PCDHGB3: variants seen among roughly 807,000 people sequenced by gnomAD.
The protein encoded by PCDHGB3 is protocadherin gamma subfamily B, 3.
A neutral mutation model predicts 59.2 loss-of-function variants in PCDHGB3; 40 were observed. That is an observed-to-expected ratio of 0.68 (90% CI 0.52 to 0.88). PCDHGB3 has a LOEUF of 0.88. PCDHGB3 is among the 40% of genes least tolerant of loss of function. The pLI, the probability that PCDHGB3 is intolerant of heterozygous loss-of-function variation, is 0.00. For missense variants in PCDHGB3, 1,309 were observed against 1,187.9 expected (o/e 1.10, Z -1.50); for synonymous variants, 581 against 503.6 (o/e 1.15, Z -2.06).
In PCDHGB3 at chr5:141,489,652, C is replaced by A. The variant is rs767143028; in HGVS notation, c.2416-5155C>A. On this transcript the variant is annotated intron_variant, in intron 1 of 3. Transcript: ENST00000576222. The surrounding 1 kb of genome is among the most constrained non-coding windows in gnomAD (Gnocchi z 4.5). ...CTCTCCTAGCTTTGCCACCCCTGAG[C>A]GAGAGATGCGCATCTCAGAATCAGC... 34 of 1,614,024 alleles carry A rather than the reference C, an allele frequency of 2.1e-5. No homozygotes were observed. The Middle Eastern group carries it at 6.6e-4, about 31-fold the overall frequency.
At position 141,409,159 on chromosome 5, in the gene PCDHGB3, GGAAGC is replaced by G. The variant is rs1361879939; in HGVS notation, c.2415+36355_2415+36359del. On this transcript the variant is annotated intron_variant, in intron 1 of 3. Transcript: ENST00000576222. ...ATGTAGAAAGGTACACCATGGAAGTGGAAGCGAAGGACGGAGGTGGTCTCTCTACC... is the reference window on the plus strand; with the variant it reads ...ATGTAGAAAGGTACACCATGGAAGTGGAAGGACGGAGGTGGTCTCTCTACC... The G allele has an allele frequency of 3.1e-6, 5 of 1,614,014 alleles. 1 individual carries two copies. In the South Asian group the frequency reaches 5.5e-5, roughly 18 times the overall value.
At chr5:141,398,079 G>A (rs1409220171) in intron 1 of PCDHGB3, 9 of 1,596,334 alleles carry the variant, frequency 5.6e-6, no homozygotes, top group Middle Eastern at 3.8e-4. Context: ...GAGGTTATTT[G>A]TAACCTGGCG....
rs147674746 is a variant in PCDHGB3, at chr5:141,477,348, C to G, written c.2416-17459C>G. 7 of 1,614,180 alleles carry G rather than the reference C, an allele frequency of 4.3e-6. No individual in the cohort carries two copies. Among genetic ancestry groups the G allele is most frequent in the Non-Finnish European group, 5.9e-6 (7 of 1,180,030 alleles). ...CTCAAGAATTACTTCACTTTGAAAA[C>G]CAGTGCAGACCTGGATCGGGAGACT... is the stretch of plus-strand genomic sequence containing the variant. On this transcript the variant is annotated intron_variant, in intron 1 of 3. Transcript: ENST00000576222. The surrounding 1 kb of genome is among the most constrained non-coding windows in gnomAD (Gnocchi z 4.9).
intron 1 of PCDHGB3, chr5:141,378,729 T>A (rs769149282): frequency 6.6e-6 from 1 of 152,216 alleles, no homozygotes; most frequent in East Asian, 1.9e-4. Flanking sequence ...GAACTCTTTA[T>A]TGAAATATTT....
chr5:141,404,083 G>A (rs761560113), intron 1 of PCDHGB3: 7 of 1,613,736 alleles, frequency 4.3e-6, no homozygotes, highest in Admixed American at 3.3e-5. Context: ...GAGACTCCGG[G>A]AAGAATGGTC....
rs1248867280 is a variant in PCDHGB3 at position 141,511,325 on chromosome 5, C to T, written c.*152C>T. 18 of 1,466,406 alleles carry T rather than the reference C, an allele frequency of 1.2e-5. No homozygotes were observed. Among genetic ancestry groups the T allele is most frequent in the Non-Finnish European group, 1.5e-5 (17 of 1,099,872 alleles). 90.8% of individuals were successfully genotyped at this position (1,466,406 alleles called of 1,614,324 possible). A position where few individuals can be genotyped will look rare whatever the true frequency, so the allele number is the denominator to read the frequency against. On this transcript the variant is annotated 3_prime_UTR_variant, in exon 4 of 4. Coordinates refer to ENST00000576222, the MANE Select transcript of PCDHGB3 (RefSeq NM_018924.5). ...TCCCCTTGGGAAACAGAAACAAGTG[C>T]CCAGTCAGCACCTACCCCTTCCCCC...
At chr5:141,383,583 C>A (rs1282205134) in intron 1 of PCDHGB3, 11 of 1,613,640 alleles carry the variant, frequency 6.8e-6, no homozygotes, top group Non-Finnish European at 9.3e-6. Context: ...CCGCCCACAT[C>A]CAGGTGACAG....
chr5:141,375,817 G>A (rs376557886), intron 1 of PCDHGB3: 6 of 1,614,046 alleles, frequency 3.7e-6, no homozygotes, highest in Non-Finnish European at 4.2e-6. Flanking sequence ...TGGAGCTGGC[G>A]CCCCGCTCCG....
At chr5:141,421,841 AAG>A in intron 1 of PCDHGB3, 1 of 1,613,750 alleles carries the variant, frequency 6.2e-7, no homozygotes. Context: ...GACCGAGAGA[AAG>A]AGGCTGCTCA....
chr5:141,410,440 G>A, intron 1 of PCDHGB3: 1 of 1,614,036 alleles, frequency 6.2e-7, no homozygotes, highest in Non-Finnish European at 8.5e-7. Context: ...ACAGTGAGGG[G>A]ACTTTGCCTT....
chr5:141,433,437 T>C (rs1422634356), intron 1 of PCDHGB3, among the ~76,000 whole-genome samples: 2 of 152,076 alleles, frequency 1.3e-5, no homozygotes, highest in Admixed American at 1.3e-4. Flanking sequence ...AGTCTCACTA[T>C]GTTGAGCAGG....
At chr5:141,384,331 G>T (rs376216978) in intron 1 of PCDHGB3, 21 of 1,613,846 alleles carry the variant, frequency 1.3e-5, no homozygotes, top group African/African-American at 2.7e-5. Context: ...GACTGCACAG[G>T]ACCACGACAG....
intron 1 of PCDHGB3, among the ~76,000 whole-genome samples, chr5:141,455,133 CTG>C (rs2098814252): frequency 6.6e-6 from 1 of 151,392 alleles, no homozygotes; most frequent in African/African-American, 2.4e-5. Flanking sequence ...TTAAATTACA[CTG>C]TGTTAAATAA....
chr5:141,489,084 C>A lies in PCDHGB3; in HGVS notation c.2416-5723C>A. On this transcript the variant is annotated intron_variant, in intron 1 of 3. Coordinates refer to ENST00000576222, the MANE Select transcript of PCDHGB3 (RefSeq NM_018924.5). The surrounding 1 kb of genome is among the most constrained non-coding windows in gnomAD (Gnocchi z 4.5). Reference sequence around the variant, plus strand: ...CTCCCCCCTGCCCACCCCCGCCACTCGGTGACTAAGAACTGCTGCAAGCAG... The same window carrying A: ...CTCCCCCCTGCCCACCCCCGCCACTAGGTGACTAAGAACTGCTGCAAGCAG... The A allele has an allele frequency of 9.1e-6, 3 of 329,124 alleles. No homozygotes were observed. The highest frequency in any genetic ancestry group is 1.1e-5 in the Non-Finnish European group (2 of 186,464). The allele number at this position is 329,124 out of a possible 1,614,324, so 20.4% of individuals were successfully genotyped here. A position where few individuals can be genotyped will look rare whatever the true frequency, so the allele number is the denominator to read the frequency against.
chr5:141,390,286 G>A (rs1043842292), intron 1 of PCDHGB3: 2 of 1,613,848 alleles, frequency 1.2e-6, no homozygotes, highest in Non-Finnish European at 1.7e-6. Flanking sequence ...CATCAGGTGA[G>A]TTTCCTTTAA....
intron 1 of PCDHGB3, chr5:141,413,638 C>T (rs768604791): frequency 4.8e-5 from 78 of 1,613,686 alleles, no homozygotes; most frequent in Middle Eastern, 1.6e-4. Flanking sequence ...TGCGGGAATG[C>T]GTTTTCCTCT....
chr5:141,481,181 G>C (rs1364223040), intron 1 of PCDHGB3, among the ~76,000 whole-genome samples: 1 of 152,154 alleles, frequency 6.6e-6, no homozygotes, highest in Non-Finnish European at 1.5e-5. Context: ...CAGCTTTATT[G>C]GGCCAGGCCC....
At chr5:141,383,001 C>T (rs766067848) in intron 1 of PCDHGB3, 1 of 1,613,756 alleles carries the variant, frequency 6.2e-7, no homozygotes, top group South Asian at 1.1e-5. Flanking sequence ...TTCTCTACTC[C>T]GTGTCGGAGG....
At position 141,408,867 on chromosome 5, in the gene PCDHGB3, G is replaced by T. The variant is rs376342658; in HGVS notation, c.2415+36058G>T. 5.5e-5 allele frequency: 88 copies of T among 1,613,574 alleles called. No homozygotes were observed. The highest frequency in any genetic ancestry group is 6.8e-5 in the Non-Finnish European group (80 of 1,179,830). ...GCCTTGGACGGAGGGGACCCACCAA[G>T]AAGTGCCACCGCTCACATAGAAATT... On this transcript the variant is annotated intron_variant, in intron 1 of 3. Transcript: ENST00000576222.
Sources: allele counts gnomAD v4.1 joint callset (sites outside exome capture counted in the v4.1 genomes callset), GRCh38; gene constraint gnomAD v4.1.1; non-coding constraint Gnocchi (gnomAD v3.1); transcripts MANE v1.5; gene names NCBI Gene and HGNC (gene_info 2026-07-23, HGNC 2026-07-21).